Variants in VWA8 observed in about 807,000 individuals in gnomAD.
The protein encoded by VWA8 is von Willebrand factor A domain-containing protein 8.
VWA8 carries 221 observed loss-of-function variants against 241.5 expected under a neutral mutation model. The ratio of observed to expected loss-of-function variants is 0.91; its 90% CI spans 0.82 to 1.02. The LOEUF (loss-of-function observed/expected upper bound fraction) is 1.02. VWA8 is among the 50% of genes least tolerant of loss of function. The pLI is 0.00. For missense variants in VWA8, 2,322 were observed against 2,328.7 expected (o/e 1.00, Z 0.06); for synonymous variants, 852 against 827.1 (o/e 1.03, Z -0.52).
chr13:41,887,821 A>G (rs768196016), intron 5 of VWA8, among the ~76,000 whole-genome samples: 1 of 152,256 alleles, frequency 6.6e-6, no homozygotes, highest in Non-Finnish European at 1.5e-5. Context: ...TGTTTTGGAA[A>G]CTTACTATGT....
chr13:41,776,691 A>G (rs2137927433), intron 20 of VWA8, among the ~76,000 whole-genome samples: 1 of 152,284 alleles, frequency 6.6e-6, no homozygotes, highest in East Asian at 1.9e-4. Context: ...ACGTTAGCCC[A>G]AAGGGACCAT....
chr13:41,850,296 C>T (rs1339141332), intron 12 of VWA8, among the ~76,000 whole-genome samples: 2 of 152,134 alleles, frequency 1.3e-5, no homozygotes, highest in Admixed American at 6.6e-5. Flanking sequence ...TAAAAAAGTA[C>T]ACTTTAATTA....
intron 37 of VWA8, among the ~76,000 whole-genome samples, chr13:41,624,568 G>A (rs550390373): frequency 4.6e-5 from 7 of 151,970 alleles, no homozygotes; most frequent in African/African-American, 7.2e-5. Flanking sequence ...AACTAAAAAC[G>A]AAAACCACAT....
intron 3 of VWA8, among the ~76,000 whole-genome samples, chr13:41,908,263 C>A (rs1013220938): frequency 6.6e-6 from 1 of 152,110 alleles, no homozygotes; most frequent in African/African-American, 2.4e-5. Flanking sequence ...GTCAGAAGTT[C>A]GAGACCAGCC....
chr13:41,784,719 TATATATATATACACACAC>T (rs1566456293), intron 18 of VWA8, among the ~76,000 whole-genome samples: 8 of 72,674 alleles, frequency 1.1e-4, no homozygotes, highest in Non-Finnish European at 1.8e-4. Context: ...TATATATATA[TATATATATATACACACAC>T]ATATATATAT....
intron 9 of VWA8, among the ~76,000 whole-genome samples, chr13:41,871,805 C>A (rs1398007862): frequency 6.6e-6 from 1 of 152,078 alleles, no homozygotes; most frequent in East Asian, 1.9e-4. Flanking sequence ...ATTTATAGTC[C>A]TTTGGGTATA....
chr13:41,791,577 CGTAA>C (rs1254243169), intron 17 of VWA8, among the ~76,000 whole-genome samples: 2 of 151,644 alleles, frequency 1.3e-5, no homozygotes, highest in Non-Finnish European at 3.0e-5. Flanking sequence ...TATTTTGCTA[CGTAA>C]GTGTGTATGA....
intron 40 of VWA8, 139 bp from the exon 41 acceptor site, chr13:41,590,904 T>C (rs1444391825): frequency 8.3e-6 from 9 of 1,087,708 alleles, no homozygotes; most frequent in Middle Eastern, 2.7e-4. Flanking sequence ...GTCATATAAA[T>C]GAAGTGGTTT....
rs1210998683 is a variant in VWA8 at position 41,701,550 on chromosome 13, T to C, written c.3226-20A>G. 3.3e-6 allele frequency: 5 copies of C among 1,517,020 alleles called. No individual in the cohort carries two copies. The African/African-American group carries it at 5.7e-5, about 17-fold the overall frequency. 94.0% of individuals were successfully genotyped at this position (1,517,020 alleles called of 1,614,324 possible). A position where few individuals can be genotyped will look rare whatever the true frequency, so the allele number is the denominator to read the frequency against. ...TGGACCCTATAATAAAGCAGTTATC[T>C]CAGTTAAGATATTTTGGTTGTCACC... On this transcript the variant is annotated intron_variant, in intron 27 of 44. Transcript: ENST00000379310.
chr13:41,872,024 T>A (rs1873651236), intron 9 of VWA8, among the ~76,000 whole-genome samples: 1 of 152,220 alleles, frequency 6.6e-6, no homozygotes, highest in South Asian at 2.1e-4. Flanking sequence ...GGTATCTCAT[T>A]GTGGTTTTGA....
intron 1 of VWA8, among the ~76,000 whole-genome samples, chr13:41,957,893 C>G (rs1156283022): frequency 6.6e-6 from 1 of 152,116 alleles, no homozygotes; most frequent in African/African-American, 2.4e-5. Flanking sequence ...AGTTATGTTT[C>G]TAGGTTTATC....
chr13:41,778,211 A>G (rs1868707897), intron 19 of VWA8, among the ~76,000 whole-genome samples, 155 bp from the exon 20 acceptor site: 1 of 152,166 alleles, frequency 6.6e-6, no homozygotes, highest in Admixed American at 6.5e-5. Flanking sequence ...TGTGGTTATA[A>G]GTAAATTATA....
chr13:41,642,507 CG>C (rs1458498112), intron 37 of VWA8, among the ~76,000 whole-genome samples: 1 of 139,358 alleles, frequency 7.2e-6, no homozygotes, highest in Non-Finnish European at 1.5e-5. Flanking sequence ...TACAGTGAGC[CG>C]AGATGGCGCC....
chr13:41,756,555 T>A (rs546186880), intron 21 of VWA8, among the ~76,000 whole-genome samples: 1 of 151,762 alleles, frequency 6.6e-6, no homozygotes, highest in South Asian at 2.1e-4. Context: ...AGGAAAAAAT[T>A]GGTTTTTGGC....
intron 5 of VWA8, among the ~76,000 whole-genome samples, chr13:41,887,882 T>C (rs1342636574): frequency 6.6e-6 from 1 of 152,228 alleles, no homozygotes; most frequent in African/African-American, 2.4e-5. Flanking sequence ...CAGAATCCAA[T>C]ATAGACTATC....
chr13:41,710,618 C>T (rs148520991), intron 26 of VWA8, among the ~76,000 whole-genome samples: 1 of 152,122 alleles, frequency 6.6e-6, no homozygotes, highest in Non-Finnish European at 1.5e-5. Flanking sequence ...ATTAAATAGT[C>T]ATTCAGAGTG....
intron 15 of VWA8, 82 bp from the exon 16 acceptor site, chr13:41,816,857 G>T: frequency 9.8e-7 from 1 of 1,017,094 alleles, no homozygotes. Flanking sequence ...TGACTACTTA[G>T]CAAATAATAT....
chr13:41,640,815 A>C (rs2044790748), intron 37 of VWA8, among the ~76,000 whole-genome samples: 1 of 152,248 alleles, frequency 6.6e-6, no homozygotes, highest in African/African-American at 2.4e-5. Context: ...GCACTTTATC[A>C]GATAATAAGT....
intron 21 of VWA8, among the ~76,000 whole-genome samples, chr13:41,753,101 G>T (rs1305101347): frequency 2.6e-5 from 4 of 152,148 alleles, no homozygotes; most frequent in Non-Finnish European, 4.4e-5. Flanking sequence ...TTCAAAACTT[G>T]TGAGTAGGAC....
Sources: allele counts gnomAD v4.1 joint callset (sites outside exome capture counted in the v4.1 genomes callset), GRCh38; gene constraint gnomAD v4.1.1; transcripts MANE v1.5; gene names NCBI Gene and HGNC (gene_info 2026-07-23, HGNC 2026-07-21).